Variants in IL20RB observed in about 807,000 individuals in gnomAD.
IL20RB encodes interleukin 20 receptor subunit beta, also known as interleukin-20 receptor subunit beta.
IL20RB carries 21 observed loss-of-function variants against 33.3 expected under a neutral mutation model. The observed-to-expected ratio is 0.63, with a 90% CI of 0.45 to 0.91. The LOEUF is 0.91. Among genes scored for constraint, IL20RB ranks in the 40% least tolerant of loss-of-function variants. The pLI, the probability that IL20RB is intolerant of heterozygous loss-of-function variation, is 0.00. For synonymous variants in IL20RB, 147 were observed against 146.8 expected (o/e 1.00, Z -0.01); for missense variants, 345 against 384.8 (o/e 0.90, Z 0.86).
chr3:136,983,008 TGTG>T (rs893895642), intron 3 of IL20RB, among the ~76,000 whole-genome samples: 2 of 151,870 alleles, frequency 1.3e-5, no homozygotes, highest in Admixed American at 6.5e-5. Context: ...CAGTTGATCA[TGTG>T]GTGAAGGGCT....
At chr3:136,980,968 A>G (rs1208448733) in intron 2 of IL20RB, among the ~76,000 whole-genome samples, 2 of 152,226 alleles carry the variant, frequency 1.3e-5, no homozygotes, top group Non-Finnish European at 2.9e-5. Flanking sequence ...GCCAAAACGA[A>G]CTATAATCCT....
chr3:137,002,020 C>T (rs531891860), intron 6 of IL20RB, among the ~76,000 whole-genome samples: 27 of 152,204 alleles, frequency 1.8e-4, no homozygotes, highest in East Asian at 3.9e-4. Flanking sequence ...TGAGAACATG[C>T]GGTGTTTGGT....
intron 6 of IL20RB, among the ~76,000 whole-genome samples, chr3:137,000,400 C>T (rs367754798): frequency 2.0e-5 from 3 of 152,350 alleles, no homozygotes; most frequent in South Asian, 4.1e-4. Context: ...TCTGTGTTTG[C>T]ACCAGTCTCT....
At chr3:136,998,560 A>AT (rs896976186) in intron 6 of IL20RB, among the ~76,000 whole-genome samples, 14 of 150,592 alleles carry the variant, frequency 9.3e-5, no homozygotes, top group African/African-American at 1.9e-4. Flanking sequence ...ATTCTCTTTG[A>AT]TTTTTTTTAT....
chr3:137,005,156 T>C (rs1942326932), intron 6 of IL20RB, among the ~76,000 whole-genome samples: 1 of 152,186 alleles, frequency 6.6e-6, no homozygotes, highest in East Asian at 1.9e-4. Flanking sequence ...TTCTTTTCTT[T>C]TACTTGCTGA....
intron 5 of IL20RB, among the ~76,000 whole-genome samples, chr3:136,994,028 A>G (rs186749576): frequency 2.0e-5 from 3 of 150,812 alleles, no homozygotes; most frequent in Admixed American, 1.3e-4. Flanking sequence ...AAAAAAATCT[A>G]TATGTCAATA....
chr3:136,999,680 T>G (rs891926813), intron 6 of IL20RB, among the ~76,000 whole-genome samples: 1 of 152,294 alleles, frequency 6.6e-6, no homozygotes, highest in African/African-American at 2.4e-5. Flanking sequence ...AAAAACTTCT[T>G]TTCCTCTTCT....
chr3:137,007,427 G>T (rs1240851768), intron 6 of IL20RB, among the ~76,000 whole-genome samples: 1 of 152,212 alleles, frequency 6.6e-6, no homozygotes, highest in East Asian at 1.9e-4. Context: ...GCATTGTTGA[G>T]CTGTGGTGGG....
intron 3 of IL20RB, among the ~76,000 whole-genome samples, chr3:136,986,951 G>A (rs1443256673): frequency 5.9e-5 from 9 of 151,986 alleles, no homozygotes; most frequent in African/African-American, 1.9e-4. Context: ...CGCGTCTGGA[G>A]TTGTTCGTTC....
chr3:136,991,149 C>T (rs1045578303), intron 4 of IL20RB, among the ~76,000 whole-genome samples: 2 of 152,146 alleles, frequency 1.3e-5, no homozygotes, highest in Admixed American at 6.5e-5. Context: ...AGGTGCTGCC[C>T]GTGGCTCCAC....
intron 1 of IL20RB, among the ~76,000 whole-genome samples, chr3:136,972,993 C>A (rs529217940): frequency 1.3e-5 from 2 of 151,830 alleles, no homozygotes; most frequent in East Asian, 1.9e-4. Flanking sequence ...ATGTTGTGTT[C>A]GATTTTTATT....
At chr3:136,975,370 C>T (rs1040688534) in intron 1 of IL20RB, among the ~76,000 whole-genome samples, 11 of 152,132 alleles carry the variant, frequency 7.2e-5, no homozygotes, top group African/African-American at 1.4e-4. Context: ...AATGGAGTCT[C>T]GCTCTCTTGC....
intron 6 of IL20RB, among the ~76,000 whole-genome samples, chr3:136,998,792 G>A (rs1942184626): frequency 6.6e-6 from 1 of 152,166 alleles, no homozygotes; most frequent in Admixed American, 6.5e-5. Flanking sequence ...AAAGTGCTGG[G>A]ATGACATGTG....
chr3:136,972,453 G>A (rs1941509577), intron 1 of IL20RB, among the ~76,000 whole-genome samples: 1 of 151,996 alleles, frequency 6.6e-6, no homozygotes, highest in South Asian at 2.1e-4. Context: ...TTCTTTGTTG[G>A]GAGACTTATT....
At chr3:137,000,494 T>C (rs1942222324) in intron 6 of IL20RB, among the ~76,000 whole-genome samples, 1 of 152,234 alleles carries the variant, frequency 6.6e-6, no homozygotes, top group Admixed American at 6.5e-5. Flanking sequence ...AATGGGAAAC[T>C]CACCCAGTGA....
chr3:136,984,986 G>A (rs1252303830), intron 3 of IL20RB, among the ~76,000 whole-genome samples: 3 of 152,210 alleles, frequency 2.0e-5, no homozygotes, highest in African/African-American at 7.2e-5. Flanking sequence ...CTGGGGGCTG[G>A]CAGCTGTTGC....
In IL20RB at chr3:136,982,296, G is replaced by A; in HGVS notation, c.352G>A (p.Gly118Ser). ...CAACCTTCGTGTCAGGGCCACATTG[G>A]GCTCACAGACCTCAGCCTGGAGCAT... ...PYNLRVRATL[G>S]SQTSAWSILK... The change falls in exon 3 of 7, where the codon GGC becomes AGC. Residue 118 changes from glycine to serine, a missense_variant. By Grantham distance (56) the Gly-to-Ser change is moderately conservative. Transcript: ENST00000329582. 6.2e-7 allele frequency: 1 copy of A among 1,609,470 alleles called. No individual in the cohort carries two copies.
At chr3:136,975,530 G>C (rs529398196) in intron 1 of IL20RB, among the ~76,000 whole-genome samples, 11 of 152,120 alleles carry the variant, frequency 7.2e-5, no homozygotes, top group African/African-American at 2.7e-4. Flanking sequence ...GTAGAGATGG[G>C]GTTTCACCAT....
chr3:137,006,248 G>T (rs964057319), intron 6 of IL20RB, among the ~76,000 whole-genome samples: 1 of 150,226 alleles, frequency 6.7e-6, no homozygotes, highest in Non-Finnish European at 1.5e-5. Flanking sequence ...GTGTCTTGGG[G>T]TTGCTCTTCT....
Sources: gnomAD v4.1 joint callset for allele counts (sites outside exome capture counted in the v4.1 genomes callset) on GRCh38, gnomAD v4.1.1 for gene constraint, MANE v1.5 for transcripts, NCBI Gene and HGNC (gene_info 2026-07-23, HGNC 2026-07-21) for gene names.